The following SAMM50 variants were observed in gnomAD, a reference collection of about 807,000 sequenced individuals.
The protein encoded by SAMM50 is SAMM50 sorting and assembly machinery component.
In SAMM50, 47 loss-of-function variants were observed where a neutral mutation model predicts 66.9. That is an observed-to-expected ratio of 0.70 (90% CI 0.56 to 0.90). SAMM50 has a LOEUF of 0.90. SAMM50 is among the 40% of genes least tolerant of loss of function. The pLI is 0.00. For synonymous variants in SAMM50, 191 were observed against 214.1 expected (o/e 0.89, Z 0.94); for missense variants, 535 against 595.3 (o/e 0.90, Z 1.05).
chr22:43,963,792 G>GTTTA (rs939687009), intron 2 of SAMM50, among the ~76,000 whole-genome samples: 29 of 152,274 alleles, frequency 1.9e-4, no homozygotes, highest in African/African-American at 6.5e-4. Flanking sequence ...TTCTTGAAGA[G>GTTTA]TTTACTCTCT....
At chr22:43,958,163 T>C (rs1296768312) in intron 1 of SAMM50, among the ~76,000 whole-genome samples, 3 of 152,222 alleles carry the variant, frequency 2.0e-5, no homozygotes, top group Non-Finnish European at 4.4e-5. Context: ...TTCCCATCTT[T>C]TAGAACTCCG....
intron 1 of SAMM50, 150 bp from the exon 2 acceptor site, chr22:43,963,136 T>G (rs1383969098): frequency 2.0e-6 from 1 of 509,720 alleles, no homozygotes; most frequent in African/African-American, 1.9e-5. Flanking sequence ...GGCACCTTTT[T>G]ACTCCCTGGT....
intron 13 of SAMM50, 29 bp downstream of exon 13, chr22:43,989,286 T>C (rs1373977436): frequency 6.2e-7 from 1 of 1,612,416 alleles, no homozygotes; most frequent in African/African-American, 1.3e-5. Context: ...AAGAAACCAT[T>C]GTAGTACAGT....
intron 14 of SAMM50, among the ~76,000 whole-genome samples, chr22:43,992,636 G>C (rs751504029): frequency 6.6e-6 from 1 of 152,254 alleles, no homozygotes; most frequent in Non-Finnish European, 1.5e-5. Context: ...ACCTCTCTGG[G>C]TGTCCATTTT....
At chr22:43,960,546 TG>T (rs2050142524) in intron 1 of SAMM50, among the ~76,000 whole-genome samples, 1 of 152,038 alleles carries the variant, frequency 6.6e-6, no homozygotes, top group African/African-American at 2.4e-5. Context: ...CTGACCAACA[TG>T]GCGAAACCCC....
intron 2 of SAMM50, 116 bp from the exon 3 acceptor site, chr22:43,964,336 A>T (rs2050162185): frequency 3.3e-6 from 2 of 598,554 alleles, no homozygotes. Flanking sequence ...AGAAGTGTGG[A>T]TTATTAAACT....
rs560773289 is a variant in SAMM50, at chr22:43,981,470, T to C, written c.1007+9T>C. On this transcript the variant is annotated intron_variant, in intron 11 of 14. Coordinates refer to ENST00000350028, the MANE Select transcript of SAMM50 (RefSeq NM_015380.5). The stretch of plus-strand genomic sequence containing the variant: ...TCAAGCATTGCTGATAGGTAAGTAC[T>C]AATCAATGAATGGATAATTTGCACA... 29 of 1,574,428 alleles carry C rather than the reference T, an allele frequency of 1.8e-5. No homozygotes were observed. In the South Asian group the frequency reaches 2.7e-4, roughly 14 times the overall value.
intron 14 of SAMM50, 97 bp downstream of exon 14, chr22:43,990,503 T>G (rs2050318059): frequency 7.3e-6 from 9 of 1,229,804 alleles, no homozygotes; most frequent in Non-Finnish European, 9.3e-6. Flanking sequence ...CTTTTAAGCT[T>G]GAAGATTTTA....
chr22:43,990,275 C>T lies in SAMM50; in HGVS notation c.1233C>T (p.Pro411=). The change falls in exon 14 of 15, where the codon CCC becomes CCT. Residue 411 remains proline (P), a synonymous_variant. Coordinates refer to ENST00000350028, the MANE Select transcript of SAMM50 (RefSeq NM_015380.5). The part of the protein sequence containing the change: ...NLCNLNYGEG[P]KAHIRKLAEC... ...TCTTTCTCTTTTCAGGGGAGGGCCC[C>T]AAAGCTCATATTCGTAAGCTGGCTG... 6.2e-7 allele frequency: 1 copy of T among 1,614,132 alleles called. No homozygotes were observed. The highest frequency in any genetic ancestry group is 8.5e-7 in the Non-Finnish European group (1 of 1,180,026).
chr22:43,968,307 A>G (rs981568584), intron 3 of SAMM50, among the ~76,000 whole-genome samples: 4 of 151,916 alleles, frequency 2.6e-5, no homozygotes, highest in Non-Finnish European at 5.9e-5. Context: ...TTGAAACACC[A>G]CAAGAAGATG....
intron 3 of SAMM50, among the ~76,000 whole-genome samples, chr22:43,968,226 C>CAAAAAAAAAAAAAAAAA (rs66961907): frequency 8.7e-5 from 6 of 68,620 alleles, no homozygotes; most frequent in East Asian, 4.3e-4. Flanking sequence ...AACTCTGTCT[C>CAAAAAAAAAAAAAAAAA]AAAAAAAAAA....
At chr22:43,987,292 C>T (rs895944901) in intron 12 of SAMM50, 3 of 152,152 alleles carry the variant, frequency 2.0e-5, no homozygotes, top group African/African-American at 7.2e-5. Flanking sequence ...AAATGCCCAT[C>T]AACAGTAGGA....
At chr22:43,957,195 T>C in intron 1 of SAMM50, 1 of 689,942 alleles carries the variant, frequency 1.4e-6, no homozygotes, top group East Asian at 2.6e-5. Context: ...TAGTGACTCC[T>C]GGCGGCAAAT....
intron 12 of SAMM50, chr22:43,988,704 A>G (rs2050306786): frequency 6.2e-6 from 1 of 160,142 alleles, no homozygotes; most frequent in African/African-American, 2.4e-5. Flanking sequence ...CGCTTTCTGC[A>G]TTTTGTCTCT....
chr22:43,980,105 C>T (rs1337467298), intron 10 of SAMM50, among the ~76,000 whole-genome samples: 1 of 145,620 alleles, frequency 6.9e-6, no homozygotes, highest in South Asian at 2.3e-4. Context: ...TCCACCCATC[C>T]ACCCATCCAC....
At chr22:43,980,136 A>ACACCCATCCATC (rs1569032053) in intron 10 of SAMM50, among the ~76,000 whole-genome samples, 7 of 13,422 alleles carry the variant, frequency 5.2e-4, no homozygotes, top group East Asian at 2.9e-3. Flanking sequence ...ACCCACCCAC[A>ACACCCATCCATC]CATCCATCCA....
At chr22:43,965,616 A>G (rs1603418792) in intron 3 of SAMM50, among the ~76,000 whole-genome samples, 1 of 152,166 alleles carries the variant, frequency 6.6e-6, no homozygotes, top group South Asian at 2.1e-4. Context: ...AATTTTCCCT[A>G]CCCCGGCCAA....
chr22:43,971,836 G>A (rs1485354475), intron 4 of SAMM50, among the ~76,000 whole-genome samples: 2 of 151,914 alleles, frequency 1.3e-5, no homozygotes, highest in African/African-American at 4.8e-5. Flanking sequence ...TCAGCCTCCC[G>A]AATAGTTGAG....
At chr22:43,972,365 T>C (rs780004190) in intron 5 of SAMM50, 23 bp downstream of exon 5, 1 of 1,395,728 alleles carries the variant, frequency 7.2e-7, no homozygotes, top group Non-Finnish European at 9.8e-7. Flanking sequence ...CTTTTTACTT[T>C]CTTATATTGG....
Sources: allele counts gnomAD v4.1 joint callset (sites outside exome capture counted in the v4.1 genomes callset), GRCh38; gene constraint gnomAD v4.1.1; transcripts MANE v1.5; gene names NCBI Gene and HGNC (gene_info 2026-07-23, HGNC 2026-07-21).